Variants in RASGEF1B observed in about 807,000 individuals in gnomAD.
RASGEF1B encodes RasGEF domain family member 1B, also known as ras-GEF domain-containing family member 1B.
Under a neutral mutation model 65.7 loss-of-function variants are expected in RASGEF1B, and 30 were observed. The observed-to-expected ratio is 0.46, with a 90% CI of 0.34 to 0.62. The LOEUF is 0.62. Ranked by LOEUF, RASGEF1B falls within the 20% of genes least tolerant of loss-of-function variation. The probability of loss-of-function intolerance (pLI) is 0.01; values close to 1 mark genes in which losing one functional copy is unlikely to be tolerated. For synonymous variants in RASGEF1B, 175 were observed against 194.8 expected, an observed-to-expected ratio of 0.90 and a Z score of 0.85; for missense variants, 495 against 580.1, an observed-to-expected ratio of 0.85 and a Z score of 1.51.
At chr4:81,427,922 G>GAA in intron 13 of RASGEF1B, 130 bp from the exon 14 acceptor site, 11 of 872,934 alleles carry the variant, frequency 1.3e-5, no homozygotes, top group Admixed American at 3.6e-5. Flanking sequence ...GTTAAACCAG[G>GAA]AAAAAAAAAA....
chr4:81,440,742 A>G lies in RASGEF1B; in HGVS notation c.1104+92T>C, dbSNP rs1253142806. 5 of 753,850 alleles carry G rather than the reference A, an allele frequency of 6.6e-6. No homozygotes were observed. The African/African-American group carries it at 8.7e-5, about 13-fold the overall frequency. 46.7% of individuals were successfully genotyped at this position (753,850 alleles called of 1,614,324 possible). A position where few individuals can be genotyped will look rare whatever the true frequency, so the allele number is the denominator to read the frequency against. ...CATGTCTCTCTCTTAAATCTTAACA[A>G]GTAAAAAAACTTCAGTGTCGTAGTT... On this transcript the variant is annotated intron_variant, in intron 10 of 13. Transcript: ENST00000264400.
chr4:81,466,633 C>T (rs190773808), intron 1 of RASGEF1B, among the ~76,000 whole-genome samples: 42 of 151,384 alleles, frequency 2.8e-4, no homozygotes, highest in Admixed American at 1.2e-3. Flanking sequence ...GTGGCGGGTG[C>T]CTGTAGTCCC....
At position 81,444,205 on chromosome 4, in the gene RASGEF1B, T is replaced by C. The variant is rs1300175597; in HGVS notation, c.928+1321A>G. Reference sequence around the variant, plus strand: ...CAAGTTATTTGTCAGCTCTATGTATTACATACATTTTCTCCGATGCTATGG... The same window carrying C: ...CAAGTTATTTGTCAGCTCTATGTATCACATACATTTTCTCCGATGCTATGG... On this transcript the variant is annotated intron_variant, in intron 8 of 13. Transcript: ENST00000264400. Among the ~76,000 whole-genome samples, 4 of 152,220 alleles carry C rather than the reference T, an allele frequency of 2.6e-5. No individual in the cohort carries two copies. The East Asian group carries it at 5.8e-4, about 22-fold the overall frequency.
chr4:81,462,848 C>T (rs1173124919), intron 1 of RASGEF1B, among the ~76,000 whole-genome samples: 2 of 152,158 alleles, frequency 1.3e-5, no homozygotes, highest in Non-Finnish European at 2.9e-5. Context: ...TAATTGTTTA[C>T]TGACTACAAA....
chr4:81,445,569 C>T lies in RASGEF1B; in HGVS notation c.885G>A (p.Glu295=), dbSNP rs768586561. 68 of 1,613,970 alleles carry T rather than the reference C, an allele frequency of 4.2e-5. No homozygotes were observed. In the East Asian group the frequency reaches 1.5e-3, roughly 36 times the overall value. ...AGTTGAAGTTGCCAATGTTAAAACA[C>T]TCCCGAGCTACGTCAATGAAATACT... is the stretch of plus-strand genomic sequence containing the variant. ...MIEYFIDVAR[E]CFNIGNFNSL... is the part of the protein sequence containing the mutation. Residue 295 remains glutamate, a synonymous_variant, in exon 8 of 14, where the codon GAG becomes GAA. Coordinates refer to ENST00000264400, the MANE Select transcript of RASGEF1B (RefSeq NM_152545.3).
intron 13 of RASGEF1B, among the ~76,000 whole-genome samples, chr4:81,428,168 C>T (rs1361289684): frequency 6.6e-6 from 1 of 152,128 alleles, no homozygotes; most frequent in Non-Finnish European, 1.5e-5. Context: ...ATTCCATGAA[C>T]ACTGGGAGAG....
rs535396054 is a variant in RASGEF1B, at chr4:81,460,346, C to T, written c.-6-832G>A. Among the ~76,000 whole-genome samples the T allele has an allele frequency of 3.0e-4, 46 of 152,200 alleles. No homozygotes were observed. The South Asian group carries it at 3.5e-3, about 12-fold the overall frequency. On this transcript the variant is annotated intron_variant, in intron 1 of 13. Coordinates refer to ENST00000264400, the MANE Select transcript of RASGEF1B (RefSeq NM_152545.3). ...AAGTTATTACTTGAATTCCTAGGGA[C>T]GGCACCCGGCCCTGAGAACAGACTC...
chr4:81,450,414 G>A (rs921948936), intron 4 of RASGEF1B, among the ~76,000 whole-genome samples: 2 of 152,108 alleles, frequency 1.3e-5, no homozygotes, highest in African/African-American at 4.8e-5. Context: ...TGCCCAGGCT[G>A]GAGTGTAGTG....
In RASGEF1B at chr4:81,433,184, G is replaced by C. The variant is rs549703951; in HGVS notation, c.1324+656C>G. ...GTTGAGGCTGCAGTGAGCTGTGATCGTGCCACTGCGCTCCAGCCTGGGTGA... is the reference window on the plus strand; with the variant it reads ...GTTGAGGCTGCAGTGAGCTGTGATCCTGCCACTGCGCTCCAGCCTGGGTGA... On this transcript the variant is annotated intron_variant, in intron 12 of 13. Transcript: ENST00000264400. Among the ~76,000 whole-genome samples, 13 of 150,986 alleles carry C rather than the reference G, an allele frequency of 8.6e-5. No individual in the cohort carries two copies. In the East Asian group the frequency reaches 2.5e-3, roughly 29 times the overall value.
intron 4 of RASGEF1B, chr4:81,454,270 C>T (rs1164425133): frequency 6.6e-6 from 1 of 152,160 alleles, no homozygotes; most frequent in Admixed American, 6.6e-5. Context: ...GCCGCAACAA[C>T]AAGGACCATC....
intron 9 of RASGEF1B, among the ~76,000 whole-genome samples, chr4:81,441,267 C>T (rs1721826379): frequency 6.6e-6 from 1 of 152,012 alleles, no homozygotes; most frequent in Non-Finnish European, 1.5e-5. Context: ...TCAACGGGCC[C>T]GTTGATGGTT....
At chr4:81,466,257 G>A (rs1231331937) in intron 1 of RASGEF1B, among the ~76,000 whole-genome samples, 2 of 152,094 alleles carry the variant, frequency 1.3e-5, no homozygotes, top group Admixed American at 1.3e-4. Context: ...CTCCCTTGAA[G>A]CTGCATAGAT....
intron 12 of RASGEF1B, among the ~76,000 whole-genome samples, chr4:81,432,749 A>T (rs1486539894): frequency 3.9e-5 from 6 of 151,978 alleles, no homozygotes; most frequent in Non-Finnish European, 5.9e-5. Flanking sequence ...TCTTTTTTTT[A>T]AAACTCTTTA....
At position 81,471,501 on chromosome 4, in the gene RASGEF1B, T is replaced by G. The variant is rs1018527994; in HGVS notation, c.-7+269A>C. On this transcript the variant is annotated intron_variant, in intron 1 of 13. Transcript: ENST00000264400. ...CTCGCACCTGTTGGGGCCGCGGCAG[T>G]CCCAGGTACCCGCAGCGGCCGGGCA... Among the ~76,000 whole-genome samples, 5 of 152,086 alleles carry G rather than the reference T, an allele frequency of 3.3e-5. No individual in the cohort carries two copies. The South Asian group carries it at 8.3e-4, about 25-fold the overall frequency.
At chr4:81,442,675 G>C (rs1721881823) in intron 8 of RASGEF1B, among the ~76,000 whole-genome samples, 2 of 152,180 alleles carry the variant, frequency 1.3e-5, no homozygotes, top group Admixed American at 1.3e-4. Flanking sequence ...CACTATCACT[G>C]TCATGCAAAA....
rs530538409 is a variant in RASGEF1B, at chr4:81,427,432, C to G, written c.*336G>C. ...GTTCAACCAAATTAAAAAAAACACA[C>G]ACACACAAAAGAAAACTCCATCCAG... is the stretch of plus-strand genomic sequence containing the variant. On this transcript the variant is annotated 3_prime_UTR_variant, in exon 14 of 14. Coordinates refer to ENST00000264400, the MANE Select transcript of RASGEF1B (RefSeq NM_152545.3). 1.2e-4 allele frequency: 33 copies of G among 285,872 alleles called. No homozygotes were observed. The highest frequency in any genetic ancestry group is 6.7e-4 in the African/African-American group (31 of 46,108). The allele number at this position is 285,872 out of a possible 1,614,324, so 17.7% of individuals were successfully genotyped here. A position where few individuals can be genotyped will look rare whatever the true frequency, so the allele number is the denominator to read the frequency against.
rs1721226824 is a variant in RASGEF1B at position 81,426,517 on chromosome 4, T to C, written c.*1251A>G. 1 of 152,218 alleles carries C rather than the reference T, an allele frequency of 6.6e-6. No individual in the cohort carries two copies. The highest frequency in any genetic ancestry group is 2.1e-4 in the South Asian group (1 of 4,834). 9.4% of individuals were successfully genotyped at this position (152,218 alleles called of 1,614,324 possible). A position where few individuals can be genotyped will look rare whatever the true frequency, so the allele number is the denominator to read the frequency against. ...AGTTTTTGGAACCATGTCATTAAGTTTTCAAATACATCTGTTTTGAACATG... is the reference window on the plus strand; with the variant it reads ...AGTTTTTGGAACCATGTCATTAAGTCTTCAAATACATCTGTTTTGAACATG... On this transcript the variant is annotated 3_prime_UTR_variant, in exon 14 of 14. Transcript: ENST00000264400.
rs764920053 is a variant in RASGEF1B, at chr4:81,445,757, T to A, written c.811A>T (p.Thr271Ser). ...CATTTCCTCACCATACAGATTTCTGTAGCAACCAAGTAGCTGAGGCGATTA... is the reference window on the plus strand; with the variant it reads ...CATTTCCTCACCATACAGATTTCTGAAGCAACCAAGTAGCTGAGGCGATTA... ...WFNRLSYLVA[T>S]EICMPVKKKH... Residue 271 changes from threonine to serine, a missense_variant, in exon 7 of 14, where the codon ACA becomes TCA. Coordinates refer to ENST00000264400, the MANE Select transcript of RASGEF1B (RefSeq NM_152545.3). The A allele has an allele frequency of 1.9e-6, 3 of 1,613,654 alleles. No homozygotes were observed. The highest frequency in any genetic ancestry group is 2.2e-5 in the East Asian group (1 of 44,866).
At position 81,447,558 on chromosome 4, in the gene RASGEF1B, C is replaced by T. The variant is rs374957935; in HGVS notation, c.675G>A (p.Gly225=). The change falls in exon 6 of 14, where the codon GGG becomes GGA. Residue 225 remains glycine (G), a synonymous_variant. Transcript: ENST00000264400. ...CGAACGCCTGAACAAATTCTTCTGG[C>T]CCAATATAATTGAGCCTCTCCTGAA... The part of the protein sequence containing the change: ...HIELERLNYI[G]PEEFVQAFVQ... 31 of 1,613,778 alleles carry T rather than the reference C, an allele frequency of 1.9e-5. No individual in the cohort carries two copies. Among genetic ancestry groups the T allele is most frequent in the Non-Finnish European group, 2.5e-5 (30 of 1,179,916 alleles).
Sources: allele counts gnomAD v4.1 joint callset (sites outside exome capture counted in the v4.1 genomes callset), GRCh38; gene constraint gnomAD v4.1.1; transcripts MANE v1.5; gene names NCBI Gene and HGNC (gene_info 2026-07-23, HGNC 2026-07-21).